The following KIAA0930 variants were observed in gnomAD, a reference collection of about 807,000 sequenced individuals.
KIAA0930 encodes uncharacterized protein KIAA0930.
In KIAA0930, 24 loss-of-function variants were observed where a neutral mutation model predicts 43.9. The ratio of observed to expected loss-of-function variants is 0.55; its 90% CI spans 0.40 to 0.77. The LOEUF (loss-of-function observed/expected upper bound fraction) is 0.77. Among genes scored for constraint, KIAA0930 ranks in the 30% least tolerant of loss-of-function variants. The probability of loss-of-function intolerance (pLI) is 0.00; values close to 1 mark genes in which losing one functional copy is unlikely to be tolerated. For synonymous variants in KIAA0930, 259 were observed against 216.4 expected, an observed-to-expected ratio of 1.20 and a Z score of -1.73; for missense variants, 461 against 574.2, an observed-to-expected ratio of 0.80 and a Z score of 2.02.
intron 1 of KIAA0930, among the ~76,000 whole-genome samples, chr22:45,221,727 TTTGTTG>T (rs370870475): frequency 5.5e-4 from 83 of 152,048 alleles, no homozygotes; most frequent in African/African-American, 1.3e-3. Context: ...TAACTGGGTT[TTTGTTG>T]TTGTTGTTGT....
At chr22:45,211,068 C>G (rs1458286236) in intron 2 of KIAA0930, among the ~76,000 whole-genome samples, 5 of 152,190 alleles carry the variant, frequency 3.3e-5, no homozygotes, top group Non-Finnish European at 5.9e-5. Flanking sequence ...GGCCCTTCCA[C>G]TTGCAGAAAA....
chr22:45,230,580 CT>C (rs796595254), intron 1 of KIAA0930, among the ~76,000 whole-genome samples: 28,540 of 128,356 alleles, frequency 0.22, 2,466 homozygotes, highest in East Asian at 0.32. Context: ...AGATCACATT[CT>C]TTTTTTTTTT....
chr22:45,205,480 G>A, intron 4 of KIAA0930, 150 bp downstream of exon 4: 1 of 877,860 alleles, frequency 1.1e-6, no homozygotes, highest in South Asian at 1.5e-5. Flanking sequence ...CTCCTCGAAT[G>A]GGATACGGGA....
At chr22:45,200,159 A>G (rs1601808048) in intron 7 of KIAA0930, 124 bp from the exon 8 acceptor site, 1 of 966,982 alleles carries the variant, frequency 1.0e-6, no homozygotes, top group East Asian at 3.1e-5. Context: ...CCGCTGGCCC[A>G]GGAGGACCCA....
At chr22:45,211,379 TG>T (rs2083691760) in intron 2 of KIAA0930, 8 of 398,682 alleles carry the variant, frequency 2.0e-5, no homozygotes, top group Non-Finnish European at 3.5e-5. Context: ...TGCGATTTAG[TG>T]GATGAAATAC....
chr22:45,204,019 C>G, intron 5 of KIAA0930, 34 bp from the exon 6 acceptor site: 1 of 1,612,254 alleles, frequency 6.2e-7, no homozygotes, highest in Non-Finnish European at 8.5e-7. Flanking sequence ...GGGACGTGAC[C>G]ATCAGCTCCC....
intron 5 of KIAA0930, among the ~76,000 whole-genome samples, chr22:45,204,709 C>T (rs757840186): frequency 3.3e-5 from 5 of 151,744 alleles, no homozygotes; most frequent in South Asian, 2.1e-4. Flanking sequence ...GCTCCCTCCC[C>T]GCCCTCCCAG....
intron 5 of KIAA0930, among the ~76,000 whole-genome samples, 170 bp from the exon 6 acceptor site, chr22:45,204,155 A>C (rs994015150): frequency 6.6e-6 from 1 of 152,186 alleles, no homozygotes; most frequent in African/African-American, 2.4e-5. Context: ...CAGGACAAGA[A>C]CAGCCTCACA....
At chr22:45,227,879 G>A (rs747417827) in intron 1 of KIAA0930, among the ~76,000 whole-genome samples, 3 of 152,166 alleles carry the variant, frequency 2.0e-5, no homozygotes, top group Non-Finnish European at 4.4e-5. Context: ...GAGGGCTCCC[G>A]GGAGCTGAGC....
At chr22:45,213,400 G>T (rs2083711692) in intron 1 of KIAA0930, 1 of 1,301,916 alleles carries the variant, frequency 7.7e-7, no homozygotes, top group Non-Finnish European at 1.0e-6. Flanking sequence ...ATCGGTGAGG[G>T]TCTGGGTCAG....
intron 9 of KIAA0930, 120 bp from the exon 10 acceptor site, chr22:45,197,336 A>T (rs2083546192): frequency 1.2e-6 from 1 of 828,936 alleles, no homozygotes; most frequent in Non-Finnish European, 1.9e-6. Context: ...TCTCCTCTCC[A>T]GGCCTCACAG....
intron 1 of KIAA0930, chr22:45,235,425 C>CA (rs558951595): frequency 1.8e-4 from 27 of 152,260 alleles, no homozygotes; most frequent in Non-Finnish European, 3.4e-4. Context: ...GAGGCCGGAA[C>CA]CCACAACCCT....
At position 45,194,060 on chromosome 22, in the gene KIAA0930, T is replaced by G. The variant is rs2083514419; in HGVS notation, c.*3116A>C. The G allele has an allele frequency of 2.1e-5, 1 of 48,258 alleles. No homozygotes were observed. The highest frequency in any genetic ancestry group is 3.7e-5 in the Non-Finnish European group (1 of 27,108). 3.0% of individuals were successfully genotyped at this position (48,258 alleles called of 1,614,324 possible). A position where few individuals can be genotyped will look rare whatever the true frequency, so the allele number is the denominator to read the frequency against. On this transcript the variant is annotated 3_prime_UTR_variant, in exon 10 of 10. Coordinates refer to ENST00000336156, the MANE Select transcript of KIAA0930 (RefSeq NM_001009880.2). Reference sequence around the variant, plus strand: ...TTTAAAGACCAATGTATCTTTTTTTTTTTTTTTTTTTTTTTTTTTTTTTTT... The same window carrying G: ...TTTAAAGACCAATGTATCTTTTTTTGTTTTTTTTTTTTTTTTTTTTTTTTT...
At chr22:45,231,905 G>A (rs1426796683) in intron 1 of KIAA0930, among the ~76,000 whole-genome samples, 12 of 152,138 alleles carry the variant, frequency 7.9e-5, no homozygotes, top group Non-Finnish European at 2.9e-5. Flanking sequence ...GCAGGAGAAT[G>A]GCGTGAACCT....
chr22:45,208,561 C>CACACACAT (rs2083662750), intron 2 of KIAA0930, among the ~76,000 whole-genome samples: 1 of 111,216 alleles, frequency 9.0e-6, no homozygotes, highest in Non-Finnish European at 2.1e-5. Flanking sequence ...AGAACCCGCC[C>CACACACAT]GGGAAGTTTG....
rs571214724 is a variant in KIAA0930, at chr22:45,198,268, C to A, written c.1016-320G>T. Among the ~76,000 whole-genome samples the A allele has an allele frequency of 2.1e-4, 32 of 152,364 alleles. No homozygotes were observed. The South Asian group carries it at 6.0e-3, about 29-fold the overall frequency. ...CACACTGTGTAATTCTCTGCTTCTG[C>A]AGGCCCTGTCCCTGGAACTAGGCAC... is the stretch of plus-strand genomic sequence containing the variant. On this transcript the variant is annotated intron_variant, in intron 8 of 9. Transcript: ENST00000336156.
intron 1 of KIAA0930, among the ~76,000 whole-genome samples, chr22:45,234,901 C>G (rs1417967964): frequency 4.6e-5 from 7 of 152,180 alleles, no homozygotes; most frequent in Non-Finnish European, 7.3e-5. Context: ...CTGGAAAGAT[C>G]AGAGGGCAGG....
At position 45,195,130 on chromosome 22, in the gene KIAA0930, G is replaced by T. The variant is rs567087555; in HGVS notation, c.*2046C>A. 1 of 152,370 alleles carries T rather than the reference G, an allele frequency of 6.6e-6. No homozygotes were observed. The highest frequency in any genetic ancestry group is 2.1e-4 in the South Asian group (1 of 4,830). 9.4% of individuals were successfully genotyped at this position (152,370 alleles called of 1,614,324 possible). On this transcript the variant is annotated 3_prime_UTR_variant, in exon 10 of 10. Transcript: ENST00000336156. ...ACTGGTCCTCATGGTCACCCTGTGA[G>T]GGGGGCAGCATTTTTGCCATCTTAC...
chr22:45,218,714 G>A (rs115387810), intron 1 of KIAA0930, among the ~76,000 whole-genome samples: 9,307 of 152,134 alleles, frequency 0.061, 348 homozygotes, highest in Non-Finnish European at 0.086. Context: ...CCTTAGCCTG[G>A]CCCTGCAGGA....
Sources: gnomAD v4.1 joint callset for allele counts (sites outside exome capture counted in the v4.1 genomes callset) on GRCh38, gnomAD v4.1.1 for gene constraint, MANE v1.5 for transcripts, NCBI Gene and HGNC (gene_info 2026-07-23, HGNC 2026-07-21) for gene names.